KCNIP3: variants seen among roughly 807,000 people sequenced by gnomAD.
The protein encoded by KCNIP3 is calsenilin.
In KCNIP3, 28 loss-of-function variants were observed where a neutral mutation model predicts 35.0. The observed-to-expected ratio is 0.80, with a 90% CI of 0.59 to 1.10. The LOEUF (loss-of-function observed/expected upper bound fraction) is 1.10. Among genes scored for constraint, KCNIP3 ranks in the 50% least tolerant of loss-of-function variants. The pLI, the probability that KCNIP3 is intolerant of heterozygous loss-of-function variation, is 0.00. For missense variants in KCNIP3, 295 were observed against 338.4 expected (o/e 0.87, Z 1.01); for synonymous variants, 134 against 133.8 (o/e 1.00, Z -0.01).
At chr2:95,308,090 T>A (rs1017856134) in intron 1 of KCNIP3, among the ~76,000 whole-genome samples, 2 of 152,128 alleles carry the variant, frequency 1.3e-5, no homozygotes, top group Non-Finnish European at 1.5e-5. Context: ...ACATGTGTAC[T>A]TGTGTGCATG....
At chr2:95,353,443 G>A (rs897321629) in intron 2 of KCNIP3, among the ~76,000 whole-genome samples, 1 of 152,188 alleles carries the variant, frequency 6.6e-6, no homozygotes, top group African/African-American at 2.4e-5. Context: ...ATCCTGACCC[G>A]CAGGCCCTGC....
chr2:95,302,293 C>T lies in KCNIP3; in HGVS notation c.15+4840C>T, dbSNP rs1296984713. Among the ~76,000 whole-genome samples the T allele has an allele frequency of 3.3e-5, 5 of 152,340 alleles. No individual in the cohort carries two copies. The East Asian group carries it at 7.7e-4, about 24-fold the overall frequency. On this transcript the variant is annotated intron_variant, in intron 1 of 8. Coordinates refer to ENST00000295225, the MANE Select transcript of KCNIP3 (RefSeq NM_013434.5). ...GAAGGGGGTGAGAATCGGGGGACCC[C>T]CTTTGCCTTTCAGGCAAGGCCAAGA...
chr2:95,359,723 T>C (rs1679743978), intron 2 of KCNIP3, among the ~76,000 whole-genome samples: 1 of 152,234 alleles, frequency 6.6e-6, no homozygotes, highest in Non-Finnish European at 1.5e-5. Flanking sequence ...ACGCCTCCAC[T>C]GCTCTTGAAC....
At chr2:95,310,220 G>A (rs1041171925) in intron 1 of KCNIP3, 135 bp from the exon 2 acceptor site, 2 of 1,009,278 alleles carry the variant, frequency 2.0e-6, no homozygotes, top group Non-Finnish European at 3.1e-6. Flanking sequence ...GGGGCACTAG[G>A]CATGCAGCCC....
chr2:95,354,132 C>T (rs1270628281), intron 2 of KCNIP3, among the ~76,000 whole-genome samples: 1 of 152,182 alleles, frequency 6.6e-6, no homozygotes, highest in Non-Finnish European at 1.5e-5. Context: ...AGCAGAGGTA[C>T]CATCTCCCCT....
At chr2:95,329,221 C>CA (rs1553444099) in intron 2 of KCNIP3, among the ~76,000 whole-genome samples, 4 of 151,998 alleles carry the variant, frequency 2.6e-5, no homozygotes, top group South Asian at 2.1e-4. Flanking sequence ...GCTCCCAGCG[C>CA]GGGCCAAGCC....
At chr2:95,320,051 C>G (rs766559111) in intron 2 of KCNIP3, among the ~76,000 whole-genome samples, 1 of 152,140 alleles carries the variant, frequency 6.6e-6, no homozygotes, top group Non-Finnish European at 1.5e-5. Flanking sequence ...CTGGCGATGC[C>G]GGTTCTGGGA....
intron 2 of KCNIP3, among the ~76,000 whole-genome samples, chr2:95,333,190 C>T (rs1017238977): frequency 6.6e-6 from 1 of 152,210 alleles, no homozygotes; most frequent in African/African-American, 2.4e-5. Context: ...AAATCCCCGG[C>T]CACAGACTTG....
chr2:95,380,842 C>G (rs1444189560), intron 5 of KCNIP3, among the ~76,000 whole-genome samples: 1 of 152,072 alleles, frequency 6.6e-6, no homozygotes, highest in African/African-American at 2.4e-5. Context: ...TAGCGAGACC[C>G]CATCTCTATA....
chr2:95,369,406 G>A (rs960575481), intron 2 of KCNIP3, among the ~76,000 whole-genome samples: 4 of 152,090 alleles, frequency 2.6e-5, no homozygotes, highest in African/African-American at 9.7e-5. Context: ...GAAGAATATT[G>A]GTTGGGACTA....
At chr2:95,340,049 C>T (rs1573500055) in intron 2 of KCNIP3, among the ~76,000 whole-genome samples, 1 of 152,062 alleles carries the variant, frequency 6.6e-6, no homozygotes, top group South Asian at 2.1e-4. Flanking sequence ...TTAAAAACTC[C>T]GTCCCAGGCT....
Position 95,374,937 on chromosome 2 carries a change from G to C in KCNIP3, c.376+20G>C. The C allele has an allele frequency of 6.2e-7, 1 of 1,612,960 alleles. No homozygotes were observed. The highest frequency in any genetic ancestry group is 8.5e-7 in the Non-Finnish European group (1 of 1,179,370). On this transcript the variant is annotated intron_variant, in intron 4 of 8. Transcript: ENST00000295225. ...AGGGAGGTGAGTCTGAGGCAGGGCA[G>C]CCCTGCTGTGTCCCAGTGTGGAGGG...
chr2:95,321,479 G>A (rs893997448), intron 2 of KCNIP3, among the ~76,000 whole-genome samples: 9 of 152,154 alleles, frequency 5.9e-5, no homozygotes, highest in African/African-American at 1.9e-4. Flanking sequence ...GGCACCCGAC[G>A]GAGGCAGCAG....
intron 2 of KCNIP3, among the ~76,000 whole-genome samples, chr2:95,368,009 G>A (rs1271271693): frequency 2.6e-5 from 4 of 152,150 alleles, no homozygotes; most frequent in African/African-American, 2.4e-5. Context: ...TGATCCACCC[G>A]CCTTGGCCTC....
chr2:95,330,607 C>T lies in KCNIP3; in HGVS notation c.181+20087C>T, dbSNP rs551154023. ...ACAGCCAGACAAACACCACAAGGGG[C>T]GTGAGAGGACAGGCACACAGTCACT... On this transcript the variant is annotated intron_variant, in intron 2 of 8. Transcript: ENST00000295225. 1.9e-4 allele frequency among the ~76,000 whole-genome samples: 29 copies of T among 152,338 alleles called. No homozygotes were observed. In the South Asian group the frequency reaches 4.1e-3, roughly 22 times the overall value.
chr2:95,376,035 G>A lies in KCNIP3; in HGVS notation c.447+827G>A, dbSNP rs187930640. Among the ~76,000 whole-genome samples, 8 of 152,302 alleles carry A rather than the reference G, an allele frequency of 5.3e-5. No individual in the cohort carries two copies. The East Asian group carries it at 5.8e-4, about 11-fold the overall frequency. ...AAGCTGCGCGGGTTATTTTTATGCCGCAAGCCCGCCAGGCACACTGACGCT... is the reference window on the plus strand; with the variant it reads ...AAGCTGCGCGGGTTATTTTTATGCCACAAGCCCGCCAGGCACACTGACGCT... On this transcript the variant is annotated intron_variant, in intron 5 of 8. Coordinates refer to ENST00000295225, the MANE Select transcript of KCNIP3 (RefSeq NM_013434.5). This position sits in a 1 kb window ranked among gnomAD's most constrained non-coding sequence, Gnocchi z 4.2.
intron 1 of KCNIP3, among the ~76,000 whole-genome samples, chr2:95,309,170 G>T (rs1192469762): frequency 6.6e-6 from 1 of 152,172 alleles, no homozygotes; most frequent in African/African-American, 2.4e-5. Context: ...GAGCAGGAGA[G>T]GACAGCACAA....
chr2:95,336,490 A>G (rs1042459222), intron 2 of KCNIP3, among the ~76,000 whole-genome samples: 1 of 152,200 alleles, frequency 6.6e-6, no homozygotes, highest in Admixed American at 6.5e-5. Flanking sequence ...GTTATTTTGA[A>G]CTATGTCCTT....
intron 2 of KCNIP3, among the ~76,000 whole-genome samples, chr2:95,351,688 C>T (rs1466160516): frequency 6.6e-6 from 1 of 152,196 alleles, no homozygotes; most frequent in Admixed American, 6.5e-5. Flanking sequence ...CTCTGTGGCT[C>T]AGAGGTCTGC....
Sources: gnomAD v4.1 joint callset for allele counts (sites outside exome capture counted in the v4.1 genomes callset) on GRCh38, gnomAD v4.1.1 for gene constraint, Gnocchi (gnomAD v3.1) non-coding constraint, MANE v1.5 for transcripts, NCBI Gene and HGNC (gene_info 2026-07-23, HGNC 2026-07-21) for gene names.